The following RASGEF1C variants were observed in gnomAD, a reference collection of about 807,000 sequenced individuals.
RASGEF1C encodes RasGEF domain family member 1C, also known as ras-GEF domain-containing family member 1C.
In RASGEF1C, 27 loss-of-function variants were observed where a neutral mutation model predicts 58.1. That is an observed-to-expected ratio of 0.46 (90% CI 0.34 to 0.64). RASGEF1C has a LOEUF of 0.64. Ranked by LOEUF, RASGEF1C falls within the 30% of genes least tolerant of loss-of-function variation. The pLI, the probability that RASGEF1C is intolerant of heterozygous loss-of-function variation, is 0.01. For missense variants in RASGEF1C, 502 were observed against 605.1 expected (o/e 0.83, Z 1.79); for synonymous variants, 243 against 246.3 (o/e 0.99, Z 0.13).
Position 180,158,101 on chromosome 5 carries a change from C to T in RASGEF1C, c.-6-20043G>A, listed in dbSNP as rs889004057. Among the ~76,000 whole-genome samples, 6 of 152,066 alleles carry T rather than the reference C, an allele frequency of 3.9e-5. No individual in the cohort carries two copies. The highest frequency in any genetic ancestry group is 1.4e-4 in the African/African-American group (6 of 41,410). On this transcript the variant is annotated intron_variant, in intron 1 of 13. Transcript: ENST00000361132. The surrounding 1 kb of genome is among the most constrained non-coding windows in gnomAD (Gnocchi z 4.0). ...CTCTACTTTCTGCTCAGTTTCGCTG[C>T]GAACCTAAAACTGCTCTAAAAAATA... is the stretch of plus-strand genomic sequence containing the variant.
At chr5:180,169,903 C>A (rs577182374) in intron 1 of RASGEF1C, among the ~76,000 whole-genome samples, 1 of 152,198 alleles carries the variant, frequency 6.6e-6, no homozygotes, top group Non-Finnish European at 1.5e-5. Flanking sequence ...CTGTCCTCCC[C>A]CTGGGCTCCC....
At chr5:180,101,550 C>A in intron 13 of RASGEF1C, 25 bp from the exon 14 acceptor site, 2 of 1,610,730 alleles carry the variant, frequency 1.2e-6, no homozygotes. Context: ...ATGTCGGGAG[C>A]GGTGAGAGCC....
At chr5:180,134,010 C>A (rs1766423151) in intron 4 of RASGEF1C, among the ~76,000 whole-genome samples, 2 of 152,134 alleles carry the variant, frequency 1.3e-5, no homozygotes, top group African/African-American at 4.8e-5. Context: ...AAGCACCTTG[C>A]TTGAGGTCAC....
chr5:180,179,662 C>T (rs1387345125), intron 1 of RASGEF1C, among the ~76,000 whole-genome samples: 3 of 152,210 alleles, frequency 2.0e-5, no homozygotes, highest in Non-Finnish European at 4.4e-5. Context: ...CACTGGGCGT[C>T]AGGTATGCAA....
chr5:180,179,381 G>C (rs1354071299), intron 1 of RASGEF1C, among the ~76,000 whole-genome samples: 2 of 152,150 alleles, frequency 1.3e-5, no homozygotes, highest in Non-Finnish European at 2.9e-5. Context: ...CCAGAGGGCA[G>C]CATTTCAGGA....
intron 6 of RASGEF1C, among the ~76,000 whole-genome samples, chr5:180,121,682 CCCT>C (rs1345355562): frequency 1.5e-4 from 5 of 33,488 alleles, no homozygotes; most frequent in Non-Finnish European, 2.3e-4. Context: ...CACACACACA[CCCT>C]CATTATTCCT....
intron 1 of RASGEF1C, among the ~76,000 whole-genome samples, chr5:180,167,432 T>C (rs945620240): frequency 4.6e-5 from 7 of 152,154 alleles, no homozygotes; most frequent in African/African-American, 1.7e-4. Context: ...GGAGGCGCAG[T>C]GAGCCAAGAT....
chr5:180,167,072 T>C (rs901873921), intron 1 of RASGEF1C, among the ~76,000 whole-genome samples: 1 of 152,206 alleles, frequency 6.6e-6, no homozygotes. Flanking sequence ...TTGAGATTCA[T>C]CCTGTCTGGC....
At chr5:180,208,280 G>A (rs1314212305) in intron 1 of RASGEF1C, among the ~76,000 whole-genome samples, 1 of 152,134 alleles carries the variant, frequency 6.6e-6, no homozygotes, top group Non-Finnish European at 1.5e-5. Flanking sequence ...AGCCCCAGGA[G>A]GCAGGAGATA....
intron 1 of RASGEF1C, among the ~76,000 whole-genome samples, chr5:180,162,868 G>A (rs4700718): frequency 0.31 from 46,446 of 151,846 alleles, 7,661 homozygotes; most frequent in East Asian, 0.56. Context: ...ACAGTGTGTC[G>A]CTATGATTAC....
At position 180,118,877 on chromosome 5, in the gene RASGEF1C, G is replaced by A. The variant is rs752249143; in HGVS notation, c.908-11C>T. 3 of 1,613,970 alleles carry A rather than the reference G, an allele frequency of 1.9e-6. No homozygotes were observed. The highest frequency in any genetic ancestry group is 2.5e-6 in the Non-Finnish European group (3 of 1,179,854). ...TCATGTTCATGCCGGCTGGAAGAGG[G>A]AGGAGGGTTGGAGAGGGCTGCTCCT... On this transcript the variant is annotated splice_polypyrimidine_tract_variant and intron_variant, in intron 8 of 13. Transcript: ENST00000361132.
chr5:180,204,008 AAACAACAAC>A lies in RASGEF1C; in HGVS notation c.-7+5011_-7+5019del, dbSNP rs57771575. Among the ~76,000 whole-genome samples the A allele has an allele frequency of 1.4e-3, 192 of 140,956 alleles. 1 individual carries two copies. The highest frequency in any genetic ancestry group is 3.8e-3 in the Middle Eastern group (1 of 266). 92.5% of individuals were successfully genotyped at this position (140,956 alleles called of 152,430 possible). ...ACTCTGTCTCAAAAAACAAACAAAC[AAACAACAAC>A]AACAACAACAACAAAGTGAAATCTG... On this transcript the variant is annotated intron_variant, in intron 1 of 13. Coordinates refer to ENST00000361132, the MANE Select transcript of RASGEF1C (RefSeq NM_175062.4).
intron 1 of RASGEF1C, among the ~76,000 whole-genome samples, chr5:180,151,606 A>G (rs4700717): frequency 0.92 from 138,097 of 150,648 alleles, 64,154 homozygotes; most frequent in South Asian, 0.99. Flanking sequence ...ACCTAAAACC[A>G]TAAAAACCCT....
intron 1 of RASGEF1C, among the ~76,000 whole-genome samples, chr5:180,200,194 A>G (rs1756359530): frequency 6.6e-6 from 1 of 151,150 alleles, no homozygotes; most frequent in South Asian, 2.1e-4. Context: ...GGGACCTGGG[A>G]GGCGGAGGTT....
intron 1 of RASGEF1C, among the ~76,000 whole-genome samples, chr5:180,141,899 G>A (rs1473555840): frequency 1.3e-5 from 2 of 152,050 alleles, no homozygotes; most frequent in South Asian, 2.1e-4. Flanking sequence ...TGGTAGAGAC[G>A]GGGTTTCACC....
intron 4 of RASGEF1C, among the ~76,000 whole-genome samples, chr5:180,135,047 C>CT (rs977810972): frequency 2.9e-5 from 4 of 140,310 alleles, no homozygotes; most frequent in Admixed American, 1.4e-4. Flanking sequence ...CTGTCCCCAC[C>CT]CCCCCCGTCC....
chr5:180,162,213 G>A (rs1278474805), intron 1 of RASGEF1C, among the ~76,000 whole-genome samples: 1 of 152,154 alleles, frequency 6.6e-6, no homozygotes, highest in African/African-American at 2.4e-5. Context: ...TGCCTCCCTC[G>A]CTGAAAATCA....
rs375530226 is a variant in RASGEF1C at position 180,137,844 on chromosome 5, C to T, written c.177+32G>A. ...CCCCCCGTGCGTGGTGGAGGAGAGCCCACTCTCCTGCCCGCTGGGTGGATC... is the reference window on the plus strand; with the variant it reads ...CCCCCCGTGCGTGGTGGAGGAGAGCTCACTCTCCTGCCCGCTGGGTGGATC... On this transcript the variant is annotated intron_variant, in intron 2 of 13. Transcript: ENST00000361132. This position sits in a 1 kb window ranked among gnomAD's most constrained non-coding sequence, Gnocchi z 4.1. 464 of 1,605,856 alleles carry T rather than the reference C, an allele frequency of 2.9e-4. No homozygotes were observed. Among genetic ancestry groups the T allele is most frequent in the Non-Finnish European group, 3.7e-4 (437 of 1,176,510 alleles).
intron 11 of RASGEF1C, 57 bp downstream of exon 11, chr5:180,114,389 C>T: frequency 6.5e-7 from 1 of 1,549,076 alleles, no homozygotes; most frequent in Non-Finnish European, 8.8e-7. Context: ...AGTGGTCCTG[C>T]CCTGGGAACT....
Sources: gnomAD v4.1 joint callset for allele counts (sites outside exome capture counted in the v4.1 genomes callset) on GRCh38, gnomAD v4.1.1 for gene constraint, Gnocchi (gnomAD v3.1) non-coding constraint, MANE v1.5 for transcripts, NCBI Gene and HGNC (gene_info 2026-07-23, HGNC 2026-07-21) for gene names.